Variants in HMCN1 observed in about 807,000 individuals in gnomAD.
HMCN1 encodes the protein hemicentin 1.
A neutral mutation model predicts 625.9 loss-of-function variants in HMCN1; 321 were observed. The ratio of observed to expected loss-of-function variants is 0.51; its 90% CI spans 0.47 to 0.56. The LOEUF (loss-of-function observed/expected upper bound fraction) is 0.56, where lower values mean the gene tolerates loss of function less well. HMCN1 is among the 20% of genes least tolerant of loss of function. The pLI, the probability that HMCN1 is intolerant of heterozygous loss-of-function variation, is 0.00. For missense variants in HMCN1, 6,588 were observed against 6,887.3 expected (o/e 0.96, Z 1.54); for synonymous variants, 2,425 against 2,417.6 (o/e 1.00, Z -0.09).
At chr1:185,957,479 A>C (rs1037778721) in intron 11 of HMCN1, among the ~76,000 whole-genome samples, 1 of 152,108 alleles carries the variant, frequency 6.6e-6, no homozygotes, top group African/African-American at 2.4e-5. Flanking sequence ...TTTGTTTAAG[A>C]TTGTTTTCCT....
chr1:186,110,995 T>TTTTTTTTTTTTTTTTTTTTTTC (rs1660854554), intron 71 of HMCN1, among the ~76,000 whole-genome samples: 1 of 131,104 alleles, frequency 7.6e-6, no homozygotes, highest in Non-Finnish European at 1.6e-5. Context: ...TTTTTTTTTT[T>TTTTTTTTTTTTTTTTTTTTTTC]TTTGAGACGG....
chr1:185,823,496 A>T (rs1247685429), intron 1 of HMCN1, among the ~76,000 whole-genome samples: 1 of 152,078 alleles, frequency 6.6e-6, no homozygotes, highest in Non-Finnish European at 1.5e-5. Context: ...TTTGATTTGG[A>T]TGTCTCAATT....
At chr1:185,741,202 C>T (rs1348167412) in intron 1 of HMCN1, among the ~76,000 whole-genome samples, 4 of 152,016 alleles carry the variant, frequency 2.6e-5, no homozygotes, top group South Asian at 2.1e-4. Flanking sequence ...AATCATACGC[C>T]CAATATGCCA....
chr1:185,745,371 G>A (rs2102078326), intron 1 of HMCN1, among the ~76,000 whole-genome samples: 1 of 152,220 alleles, frequency 6.6e-6, no homozygotes, highest in African/African-American at 2.4e-5. Flanking sequence ...GTGATAGACT[G>A]TTTATCCTTA....
At chr1:186,110,857 C>A (rs926584830) in intron 71 of HMCN1, among the ~76,000 whole-genome samples, 3 of 150,552 alleles carry the variant, frequency 2.0e-5, no homozygotes, top group Admixed American at 1.3e-4. Context: ...AGGTGTGGGG[C>A]TTTAATTTTC....
chr1:185,978,083 C>A, intron 16 of HMCN1, 102 bp downstream of exon 16: 1 of 839,350 alleles, frequency 1.2e-6, no homozygotes, highest in Non-Finnish European at 1.9e-6. Context: ...ATTAATCTTG[C>A]CAACACATTT....
At chr1:186,022,990 TA>T (rs750727863) in intron 35 of HMCN1, 39 bp from the exon 36 acceptor site, 4 of 1,601,020 alleles carry the variant, frequency 2.5e-6, no homozygotes, top group Non-Finnish European at 3.4e-6. Flanking sequence ...AATCCAAGTA[TA>T]AGATACAAAA....
chr1:185,893,765 CTTTTA>C (rs1665299436), intron 4 of HMCN1, among the ~76,000 whole-genome samples: 1 of 152,078 alleles, frequency 6.6e-6, no homozygotes, highest in Non-Finnish European at 1.5e-5. Context: ...TGTTATTTTT[CTTTTA>C]TTTTAAACTT....
At position 185,734,677 on chromosome 1, in the gene HMCN1, G is replaced by A. The variant is rs960979705; in HGVS notation, c.-103G>A. On this transcript the variant is annotated 5_prime_UTR_variant, in exon 1 of 107. Transcript: ENST00000271588. ...TTTTGCTAGTTCAGAGATTCCAAGA[G>A]TCTGATGAGTTACTCTGAGAGGAAA... 3.5e-6 allele frequency: 4 copies of A among 1,154,386 alleles called. No homozygotes were observed. Among genetic ancestry groups the A allele is most frequent in the Non-Finnish European group, 5.2e-6 (4 of 772,778 alleles). 71.5% of individuals were successfully genotyped at this position (1,154,386 alleles called of 1,614,324 possible).
chr1:185,962,813 A>G, intron 12 of HMCN1, 154 bp downstream of exon 12: 2 of 635,180 alleles, frequency 3.1e-6, no homozygotes. Context: ...AATGTCAAAA[A>G]TAATATAAAT....
chr1:186,180,745 C>G (rs530881626), intron 104 of HMCN1, among the ~76,000 whole-genome samples: 5 of 152,246 alleles, frequency 3.3e-5, no homozygotes, highest in African/African-American at 1.2e-4. Context: ...AAATTTATAG[C>G]TAGTCCATTA....
rs771121234 is a variant in HMCN1, at chr1:186,018,292, C to T, written c.5410C>T (p.Arg1804Trp). The T allele has an allele frequency of 2.3e-5, 37 of 1,612,708 alleles. No individual in the cohort carries two copies. The highest frequency in any genetic ancestry group is 2.9e-5 in the Non-Finnish European group (34 of 1,179,102). The change falls in exon 34 of 107, where the codon CGG becomes TGG. Residue 1804 changes from arginine to tryptophan, a missense_variant. Physicochemically the swap from Arg to Trp is moderately radical, Grantham distance 101. Coordinates refer to ENST00000271588, the MANE Select transcript of HMCN1 (RefSeq NM_031935.3). ...TCAAGTGTCAAACACAGGCCTTTAT[C>T]GGTGCATGGCAGCAAATACTGCTGG... ...QAQVSNTGLY[R>W]CMAANTAGDH...
chr1:186,048,950 C>A, intron 42 of HMCN1, 111 bp downstream of exon 42: 2 of 708,868 alleles, frequency 2.8e-6, no homozygotes, highest in East Asian at 2.6e-5. Context: ...AGATGAACAA[C>A]AATTAGTACA....
At chr1:185,921,176 C>T (rs1282348223) in intron 6 of HMCN1, among the ~76,000 whole-genome samples, 1 of 152,124 alleles carries the variant, frequency 6.6e-6, no homozygotes, top group Non-Finnish European at 1.5e-5. Flanking sequence ...CTTTTGTAAC[C>T]TTTATGCAAA....
At chr1:186,027,361 G>T (rs1168432455) in intron 36 of HMCN1, among the ~76,000 whole-genome samples, 1 of 152,136 alleles carries the variant, frequency 6.6e-6, no homozygotes, top group Non-Finnish European at 1.5e-5. Context: ...TGCGACAGAT[G>T]TTTCCACAAA....
chr1:185,762,971 A>G (rs1257910001), intron 1 of HMCN1, among the ~76,000 whole-genome samples: 1 of 152,022 alleles, frequency 6.6e-6, no homozygotes, highest in Non-Finnish European at 1.5e-5. Context: ...TTCTTTCTTT[A>G]TACTCGCAGC....
chr1:186,073,055 G>A (rs115375285), intron 52 of HMCN1, among the ~76,000 whole-genome samples: 225 of 152,242 alleles, frequency 1.5e-3, no homozygotes, highest in African/African-American at 5.1e-3. Flanking sequence ...CAGGAGGTGT[G>A]GGATGTGTAG....
chr1:185,981,831 A>C (rs74134255), intron 17 of HMCN1, among the ~76,000 whole-genome samples: 4,884 of 152,222 alleles, frequency 0.032, 271 homozygotes, highest in African/African-American at 0.11. Flanking sequence ...TTTGCTTGAG[A>C]TATTACAACA....
At chr1:186,105,288 C>G (rs892070323) in intron 69 of HMCN1, among the ~76,000 whole-genome samples, 1 of 152,146 alleles carries the variant, frequency 6.6e-6, no homozygotes, top group Admixed American at 6.5e-5. Context: ...ATTAAGCCCC[C>G]AGACTGATTT....
Sources: allele counts gnomAD v4.1 joint callset (sites outside exome capture counted in the v4.1 genomes callset), GRCh38; gene constraint gnomAD v4.1.1; transcripts MANE v1.5; gene names NCBI Gene and HGNC (gene_info 2026-07-23, HGNC 2026-07-21).